CLMP: variants seen among roughly 807,000 people sequenced by gnomAD.
The protein encoded by CLMP is CXADR-like membrane protein.
A neutral mutation model predicts 45.2 loss-of-function variants in CLMP; 27 were observed. That is an observed-to-expected ratio of 0.60 (90% CI 0.44 to 0.82). The LOEUF is 0.82. Ranked by LOEUF, CLMP falls within the 40% of genes least tolerant of loss-of-function variation. CLMP has a pLI of 0.00. For missense variants in CLMP, 403 were observed against 448.4 expected, an observed-to-expected ratio of 0.90 and a Z score of 0.91; for synonymous variants, 167 against 171.4, an observed-to-expected ratio of 0.97 and a Z score of 0.20.
At chr11:123,166,418 A>G (rs1803169877) in intron 1 of CLMP, among the ~76,000 whole-genome samples, 1 of 152,236 alleles carries the variant, frequency 6.6e-6, no homozygotes, top group African/African-American at 2.4e-5. Context: ...CGGCTTCAAT[A>G]GCCCAGAGTC....
intron 1 of CLMP, among the ~76,000 whole-genome samples, chr11:123,148,001 CTG>C (rs1333022043): frequency 1.3e-5 from 2 of 152,120 alleles, no homozygotes; most frequent in African/African-American, 4.8e-5. Flanking sequence ...TGGAGCCAGA[CTG>C]TGTAAATTCA....
intron 1 of CLMP, among the ~76,000 whole-genome samples, chr11:123,186,610 C>A (rs1861838288): frequency 1.3e-5 from 2 of 151,992 alleles, no homozygotes; most frequent in African/African-American, 4.8e-5. Context: ...GCAATCTCCG[C>A]CTCCCAGGTT....
At chr11:123,192,339 T>G (rs1706494034) in intron 1 of CLMP, among the ~76,000 whole-genome samples, 1 of 152,144 alleles carries the variant, frequency 6.6e-6, no homozygotes, top group Non-Finnish European at 1.5e-5. Flanking sequence ...AATTTTGAAT[T>G]GAACATTCCC....
chr11:123,078,355 A>C (rs1039693305), intron 5 of CLMP, among the ~76,000 whole-genome samples: 13 of 152,172 alleles, frequency 8.5e-5, no homozygotes, highest in African/African-American at 3.1e-4. Flanking sequence ...AACCAGACAA[A>C]ATGGAATGAT....
intron 1 of CLMP, among the ~76,000 whole-genome samples, chr11:123,150,561 A>C (rs12284312): frequency 8.3e-6 from 1 of 120,696 alleles, no homozygotes; most frequent in Non-Finnish European, 1.7e-5. Flanking sequence ...GGAAGGAAGG[A>C]AAGGAAGGAA....
chr11:123,112,103 C>T (rs189051553), intron 1 of CLMP, among the ~76,000 whole-genome samples: 11 of 152,098 alleles, frequency 7.2e-5, no homozygotes, highest in South Asian at 2.1e-4. Flanking sequence ...GAAAAGGCAA[C>T]GAGGAACGGA....
chr11:123,194,746 G>A (rs1861955744), intron 1 of CLMP, among the ~76,000 whole-genome samples, 167 bp downstream of exon 1: 1 of 152,236 alleles, frequency 6.6e-6, no homozygotes, highest in Admixed American at 6.5e-5. Context: ...CCGACTGGGC[G>A]GCCCTCGGTT....
chr11:123,127,560 T>A (rs949760493), intron 1 of CLMP, among the ~76,000 whole-genome samples: 1 of 152,186 alleles, frequency 6.6e-6, no homozygotes, highest in African/African-American at 2.4e-5. Flanking sequence ...ATGATAGTGA[T>A]TCTACCCAAA....
At chr11:123,075,160 G>C (rs2135461079) in intron 5 of CLMP, among the ~76,000 whole-genome samples, 1 of 151,666 alleles carries the variant, frequency 6.6e-6, no homozygotes. Flanking sequence ...CTCTATGTTG[G>C]TCAGGCTGGT....
chr11:123,089,489 G>C (rs866254720), intron 2 of CLMP, among the ~76,000 whole-genome samples: 1 of 151,224 alleles, frequency 6.6e-6, no homozygotes, highest in Non-Finnish European at 1.5e-5. Flanking sequence ...AAAATGACCA[G>C]GTGCAGTGGC....
chr11:123,163,309 T>C (rs954997937), intron 1 of CLMP, among the ~76,000 whole-genome samples: 5 of 152,106 alleles, frequency 3.3e-5, no homozygotes, highest in Admixed American at 2.6e-4. Flanking sequence ...GGAATTAACA[T>C]GGGGAAGTCA....
intron 2 of CLMP, among the ~76,000 whole-genome samples, chr11:123,087,182 A>G (rs920647154): frequency 3.9e-5 from 6 of 151,976 alleles, no homozygotes; most frequent in Admixed American, 6.6e-5. Flanking sequence ...TACTAAAAAT[A>G]CAAAATTAGC....
chr11:123,180,600 T>TAA (rs11353703), intron 1 of CLMP, among the ~76,000 whole-genome samples: 29 of 137,196 alleles, frequency 2.1e-4, no homozygotes, highest in African/African-American at 7.6e-4. Flanking sequence ...TGCATAGGAG[T>TAA]AAAAAAAAAA....
chr11:123,138,562 C>G (rs533154438), intron 1 of CLMP, among the ~76,000 whole-genome samples: 271 of 152,108 alleles, frequency 1.8e-3, no homozygotes, highest in African/African-American at 6.0e-3. Context: ...GATGTAGAGT[C>G]CAAATCTGGT....
Position 123,083,832 on chromosome 11 carries a change from G to A in CLMP, c.404C>T (p.Pro135Leu). 1 of 1,613,106 alleles carries A rather than the reference G, an allele frequency of 6.2e-7. No homozygotes were observed. The highest frequency in any genetic ancestry group is 8.5e-7 in the Non-Finnish European group (1 of 1,179,984). Residue 135 changes from proline to leucine, a missense_variant, in exon 4 of 7, where the codon CCC becomes CTC. Pro to Leu is a moderately conservative substitution (Grantham distance 98). Transcript: ENST00000448775. Reference sequence around the variant, plus strand: ...CAGCTCTCCTTCCAACTCACACTTGGGCTTGGATGGTCTCACTGGCAACAG... The same window carrying A: ...CAGCTCTCCTTCCAACTCACACTTGAGCTTGGATGGTCTCACTGGCAACAG... ...ILKVLVRPSK[P>L]KCELEGELTE...
rs192782456 is a variant in CLMP, at chr11:123,150,775, G to A, written c.28+44138C>T. 3.3e-3 allele frequency among the ~76,000 whole-genome samples: 508 copies of A among 152,284 alleles called. 4 individuals carry two copies. Among genetic ancestry groups the A allele is most frequent in the African/African-American group, 0.011 (475 of 41,558 alleles). ...TCTGTCGCTCAGGGTGGAGTGCAGG[G>A]GCACGATCTCGGCTCACTGCAACCT... is the stretch of plus-strand genomic sequence containing the variant. On this transcript the variant is annotated intron_variant, in intron 1 of 6. Transcript: ENST00000448775.
At chr11:123,157,607 T>A (rs1044529666) in intron 1 of CLMP, among the ~76,000 whole-genome samples, 24 of 150,666 alleles carry the variant, frequency 1.6e-4, no homozygotes, top group Middle Eastern at 3.4e-3. Flanking sequence ...TAATCCCAGC[T>A]ACTCCGGAGG....
intron 1 of CLMP, among the ~76,000 whole-genome samples, chr11:123,119,934 A>T (rs933535799): frequency 2.6e-5 from 4 of 151,916 alleles, no homozygotes; most frequent in African/African-American, 9.7e-5. Flanking sequence ...TGATCCACCC[A>T]CTCTGGCCTC....
chr11:123,162,263 C>T (rs148848677), intron 1 of CLMP, among the ~76,000 whole-genome samples: 87 of 152,268 alleles, frequency 5.7e-4, no homozygotes, highest in African/African-American at 1.9e-3. Flanking sequence ...GAACAGACAG[C>T]GACTCAGCTT....
Sources: allele counts gnomAD v4.1 joint callset (sites outside exome capture counted in the v4.1 genomes callset), GRCh38; gene constraint gnomAD v4.1.1; transcripts MANE v1.5; gene names NCBI Gene and HGNC (gene_info 2026-07-23, HGNC 2026-07-21).